SUMF1: variants seen among roughly 807,000 people sequenced by gnomAD.
SUMF1 encodes sulfatase modifying factor 1.
Under a neutral mutation model 47.6 loss-of-function variants are expected in SUMF1, and 48 were observed. The observed-to-expected ratio is 1.01, with a 90% CI of 0.80 to 1.28. The LOEUF (loss-of-function observed/expected upper bound fraction) is 1.28, where lower values mean the gene tolerates loss of function less well. SUMF1 is among the 50% of genes most tolerant of loss of function. The pLI, the probability that SUMF1 is intolerant of heterozygous loss-of-function variation, is 0.00. For missense variants in SUMF1, 571 were observed against 485.4 expected, an observed-to-expected ratio of 1.18 and a Z score of -1.66; for synonymous variants, 230 against 192.1, an observed-to-expected ratio of 1.20 and a Z score of -1.63.
At chr3:4,186,376 T>C (rs190081705) in intron 8 of SUMF1, among the ~76,000 whole-genome samples, 1 of 152,080 alleles carries the variant, frequency 6.6e-6, no homozygotes, top group Non-Finnish European at 1.5e-5. Context: ...GTGAGCTGCA[T>C]TGGAAGATAA....
At chr3:4,254,204 G>A (rs1203363206) in intron 8 of SUMF1, among the ~76,000 whole-genome samples, 5 of 151,912 alleles carry the variant, frequency 3.3e-5, no homozygotes, top group South Asian at 2.1e-4. Context: ...AAAGCAGAGC[G>A]CCTCTCCTCC....
intron 8 of SUMF1, among the ~76,000 whole-genome samples, chr3:4,276,254 T>A (rs1317824488): frequency 1.3e-5 from 2 of 152,198 alleles, no homozygotes; most frequent in African/African-American, 4.8e-5. Context: ...TTGCATTTCC[T>A]AAAACTGAGG....
At chr3:4,065,288 A>G (rs1027707726) in intron 9 of SUMF1, among the ~76,000 whole-genome samples, 4 of 152,002 alleles carry the variant, frequency 2.6e-5, no homozygotes, top group Admixed American at 6.6e-5. Flanking sequence ...CTTGATACCT[A>G]TGCTTCACTG....
intron 8 of SUMF1, among the ~76,000 whole-genome samples, chr3:4,312,415 T>C (rs1351162634): frequency 6.6e-6 from 1 of 152,138 alleles, no homozygotes; most frequent in Non-Finnish European, 1.5e-5. Context: ...AGTATTTTTC[T>C]TATTGTCCTT....
intron 1 of SUMF1, among the ~76,000 whole-genome samples, chr3:4,461,454 C>G (rs1377525224): frequency 1.3e-5 from 2 of 152,228 alleles, no homozygotes; most frequent in African/African-American, 2.4e-5. Context: ...GTGGCAAATA[C>G]TTCCTGTTAG....
chr3:4,312,894 A>C (rs73807002), intron 8 of SUMF1: 8 of 1,600,532 alleles, frequency 5.0e-6, no homozygotes, highest in Non-Finnish European at 6.8e-6. Flanking sequence ...TATATTTTTT[A>C]CAGTACACTC....
chr3:4,423,734 C>T (rs778218472), intron 3 of SUMF1, among the ~76,000 whole-genome samples: 18 of 152,114 alleles, frequency 1.2e-4, no homozygotes, highest in Non-Finnish European at 2.4e-4. Flanking sequence ...TTGGAGGTGG[C>T]GCCTGGTGGG....
rs571385074 is a variant in SUMF1, at chr3:4,354,561, G to A, written c.1014+21769C>T. Among the ~76,000 whole-genome samples, 18 of 152,328 alleles carry A rather than the reference G, an allele frequency of 1.2e-4. 1 individual carries two copies. In the South Asian group the frequency reaches 3.1e-3, roughly 26 times the overall value. ...GAGAACTTCGTGGGACAGACCGACC[G>A]CGCAGGATCAGGTATTTCCAAATTC... On this transcript the variant is annotated intron_variant and NMD_transcript_variant, in intron 8 of 12. Transcript: ENST00000448413.
rs115186069 is a variant in SUMF1, at chr3:4,339,013, C to T, written c.1014+37317G>A. Among the ~76,000 whole-genome samples the T allele has an allele frequency of 1.9e-3, 292 of 152,256 alleles. 1 individual carries two copies. The highest frequency in any genetic ancestry group is 6.3e-3 in the African/African-American group (263 of 41,538). On this transcript the variant is annotated intron_variant and NMD_transcript_variant, in intron 8 of 12. Coordinates refer to the SUMF1 transcript ENST00000448413. ...ACTAATGTTAGTGTGATGAGCCTGA[C>T]GTTAACTTTCCAACCAAGTTCAAAC...
intron 8 of SUMF1, among the ~76,000 whole-genome samples, chr3:4,119,638 T>A (rs1415430070): frequency 5.3e-5 from 8 of 152,110 alleles, no homozygotes; most frequent in Admixed American, 5.2e-4. Context: ...TATCCTGATA[T>A]CCTGTGTTGT....
chr3:4,187,931 G>A (rs377522017), intron 8 of SUMF1, among the ~76,000 whole-genome samples: 17 of 152,054 alleles, frequency 1.1e-4, no homozygotes, highest in Non-Finnish European at 1.8e-4. Context: ...TTACTGTTTC[G>A]TAATGACATT....
intron 3 of SUMF1, among the ~76,000 whole-genome samples, chr3:4,436,112 T>C (rs1434866681): frequency 6.6e-6 from 1 of 152,182 alleles, no homozygotes; most frequent in Non-Finnish European, 1.5e-5. Flanking sequence ...CGAAACCCCA[T>C]CTCTATTTTT....
intron 8 of SUMF1, among the ~76,000 whole-genome samples, chr3:4,169,536 G>C (rs567100142): frequency 6.6e-6 from 1 of 152,190 alleles, no homozygotes; most frequent in African/African-American, 2.4e-5. Context: ...AGAGCCTTTA[G>C]AAGAAGCATG....
chr3:4,438,032 A>C (rs1465914425), intron 3 of SUMF1, among the ~76,000 whole-genome samples: 1 of 152,124 alleles, frequency 6.6e-6, no homozygotes, highest in Non-Finnish European at 1.5e-5. Flanking sequence ...TTGTACACCT[A>C]TATAGTAGAT....
At chr3:4,135,080 C>T (rs938662680) in intron 8 of SUMF1, among the ~76,000 whole-genome samples, 8 of 152,072 alleles carry the variant, frequency 5.3e-5, no homozygotes, top group African/African-American at 1.9e-4. Flanking sequence ...TGAAACTATT[C>T]CAATCAATAG....
At chr3:4,234,540 G>A (rs1696368143) in intron 8 of SUMF1, among the ~76,000 whole-genome samples, 1 of 152,036 alleles carries the variant, frequency 6.6e-6, no homozygotes, top group African/African-American at 2.4e-5. Flanking sequence ...CTGTTTATGT[G>A]TATTCATATA....
chr3:4,341,448 T>G (rs1334995622), intron 8 of SUMF1, among the ~76,000 whole-genome samples: 2 of 152,190 alleles, frequency 1.3e-5, no homozygotes, highest in East Asian at 1.9e-4. Flanking sequence ...AGTTCTGCTG[T>G]GAATGAATAC....
chr3:4,287,981 T>A (rs937858604), intron 8 of SUMF1, among the ~76,000 whole-genome samples: 1 of 152,232 alleles, frequency 6.6e-6, no homozygotes, highest in African/African-American at 2.4e-5. Context: ...CTTCTGCTCA[T>A]CTTTTTAGCT....
At chr3:4,288,630 T>C (rs1697681299) in intron 8 of SUMF1, among the ~76,000 whole-genome samples, 1 of 152,052 alleles carries the variant, frequency 6.6e-6, no homozygotes, top group South Asian at 2.1e-4. Flanking sequence ...AAACCCCATC[T>C]CTACCAAAAA....
Sources: gnomAD v4.1 joint callset for allele counts (sites outside exome capture counted in the v4.1 genomes callset) on GRCh38, gnomAD v4.1.1 for gene constraint, MANE v1.5 for transcripts, NCBI Gene and HGNC (gene_info 2026-07-23, HGNC 2026-07-21) for gene names.